The following PARD3 variants were observed in gnomAD, a reference collection of about 807,000 sequenced individuals.
PARD3 encodes the protein par-3 family cell polarity regulator.
A neutral mutation model predicts 155.4 loss-of-function variants in PARD3; 75 were observed. The ratio of observed to expected loss-of-function variants is 0.48; its 90% CI spans 0.40 to 0.58. The LOEUF (loss-of-function observed/expected upper bound fraction) is 0.58, where lower values mean the gene tolerates loss of function less well. Ranked by LOEUF, PARD3 falls within the 20% of genes least tolerant of loss-of-function variation. PARD3 has a pLI of 0.00. For synonymous variants in PARD3, 576 were observed against 610.5 expected, an observed-to-expected ratio of 0.94 and a Z score of 0.83; for missense variants, 1,642 against 1,721.7, an observed-to-expected ratio of 0.95 and a Z score of 0.82.
intron 2 of PARD3, among the ~76,000 whole-genome samples, chr10:34,551,376 A>G (rs961386981): frequency 1.3e-5 from 2 of 152,216 alleles, no homozygotes; most frequent in African/African-American, 4.8e-5. Context: ...TTAAAGTCAT[A>G]TACAACATAC....
At chr10:34,801,153 G>A (rs1842809450) in intron 1 of PARD3, among the ~76,000 whole-genome samples, 1 of 152,214 alleles carries the variant, frequency 6.6e-6, no homozygotes, top group African/African-American at 2.4e-5. Context: ...GCAAGAGACA[G>A]ACGCACAAAA....
intron 2 of PARD3, among the ~76,000 whole-genome samples, chr10:34,555,337 T>C (rs2084901979): frequency 6.6e-6 from 1 of 152,232 alleles, no homozygotes; most frequent in Non-Finnish European, 1.5e-5. Context: ...ACACATGAAC[T>C]ACGATCCCAT....
chr10:34,659,405 A>C (rs2093265466), intron 2 of PARD3, among the ~76,000 whole-genome samples: 2 of 152,196 alleles, frequency 1.3e-5, no homozygotes, highest in South Asian at 4.1e-4. Flanking sequence ...CAGCTGTAGT[A>C]ATTATTAATC....
intron 22 of PARD3, among the ~76,000 whole-genome samples, chr10:34,193,599 T>C (rs746563825): frequency 6.6e-6 from 1 of 152,260 alleles, no homozygotes; most frequent in Non-Finnish European, 1.5e-5. Flanking sequence ...AGGACATATT[T>C]GATCAATTCT....
At chr10:34,163,943 G>A (rs1778219653) in intron 22 of PARD3, among the ~76,000 whole-genome samples, 1 of 152,128 alleles carries the variant, frequency 6.6e-6, no homozygotes, top group African/African-American at 2.4e-5. Flanking sequence ...GAGGTAACAA[G>A]GAGCAAAGTA....
At chr10:34,571,549 T>C (rs1019570592) in intron 2 of PARD3, among the ~76,000 whole-genome samples, 1 of 152,108 alleles carries the variant, frequency 6.6e-6, no homozygotes, top group Non-Finnish European at 1.5e-5. Context: ...AAACATAAAG[T>C]CACAAGGCTT....
At chr10:34,409,494 G>C (rs1223180857) in intron 5 of PARD3, among the ~76,000 whole-genome samples, 1 of 152,168 alleles carries the variant, frequency 6.6e-6, no homozygotes, top group African/African-American at 2.4e-5. Flanking sequence ...AAAAATCACT[G>C]AATCTAATAA....
chr10:34,636,352 A>G (rs113192229), intron 2 of PARD3, among the ~76,000 whole-genome samples: 25 of 152,142 alleles, frequency 1.6e-4, no homozygotes, highest in African/African-American at 6.0e-4. Context: ...TGCCTCCTCC[A>G]TCCGGGCTCG....
intron 2 of PARD3, among the ~76,000 whole-genome samples, chr10:34,616,945 A>AT (rs955535288): frequency 3.3e-5 from 5 of 151,574 alleles, no homozygotes; most frequent in African/African-American, 9.7e-5. Context: ...AAAAAAAAAA[A>AT]AAAATAACTA....
intron 20 of PARD3, among the ~76,000 whole-genome samples, chr10:34,296,939 C>G (rs763733558): frequency 6.6e-6 from 1 of 152,084 alleles, no homozygotes; most frequent in African/African-American, 2.4e-5. Context: ...CTCTTAAAAA[C>G]CAACCAACCA....
At chr10:34,368,475 A>G (rs976573739) in intron 12 of PARD3, among the ~76,000 whole-genome samples, 2 of 152,028 alleles carry the variant, frequency 1.3e-5, no homozygotes, top group Admixed American at 1.3e-4. Context: ...GATTGAGACC[A>G]TCCTGGCTAA....
At chr10:34,751,507 T>A (rs1836026355) in intron 1 of PARD3, among the ~76,000 whole-genome samples, 1 of 152,150 alleles carries the variant, frequency 6.6e-6, no homozygotes, top group African/African-American at 2.4e-5. Flanking sequence ...GTCCTACACA[T>A]CCCTTCAGAG....
At chr10:34,176,553 C>A (rs570383473) in intron 22 of PARD3, among the ~76,000 whole-genome samples, 1 of 152,260 alleles carries the variant, frequency 6.6e-6, no homozygotes, top group African/African-American at 2.4e-5. Flanking sequence ...AATAATGGCC[C>A]CAGTGGTGTT....
chr10:34,634,377 T>C (rs550393881), intron 2 of PARD3, among the ~76,000 whole-genome samples: 1 of 152,220 alleles, frequency 6.6e-6, no homozygotes, highest in South Asian at 2.1e-4. Flanking sequence ...TGCAGAAAAT[T>C]TCTGGAAGGA....
At chr10:34,184,686 C>A (rs1950407148) in intron 22 of PARD3, among the ~76,000 whole-genome samples, 1 of 140,824 alleles carries the variant, frequency 7.1e-6, no homozygotes, top group African/African-American at 2.5e-5. Flanking sequence ...ATCCTGTGTT[C>A]CAGGCCTTTC....
In PARD3 at chr10:34,347,948, A is replaced by C; in HGVS notation, c.2218+17T>G. 2 of 1,602,208 alleles carry C rather than the reference A, an allele frequency of 1.2e-6. No individual in the cohort carries two copies. On this transcript the variant is annotated intron_variant, in intron 15 of 24. Transcript: ENST00000374788. The stretch of plus-strand genomic sequence containing the variant: ...CATCAAAATAAGATGTGATAAACAG[A>C]GTTTTACCTGACTCACCCATTATCC...
chr10:34,274,980 AAAT>A (rs1212864617), intron 21 of PARD3, among the ~76,000 whole-genome samples: 2 of 152,162 alleles, frequency 1.3e-5, no homozygotes, highest in African/African-American at 2.4e-5. Context: ...ATGACGCAGA[AAAT>A]AATATTAATT....
intron 4 of PARD3, among the ~76,000 whole-genome samples, chr10:34,460,803 G>A (rs566819768): frequency 2.4e-4 from 37 of 151,806 alleles, no homozygotes; most frequent in African/African-American, 8.2e-4. Context: ...ACTGCACTCC[G>A]GCCTGGGCGA....
chr10:34,382,849 C>CT lies in PARD3; in HGVS notation c.1089dup (p.Glu364ArgfsTer4). ...CTTTGGGATAGTTGTTCATACTGCT[C>CT]TTTATTTGCTGCAGGAACCACATGG... On this transcript the variant is annotated frameshift_variant, in exon 9 of 25. Transcript: ENST00000374788. LOFTEE classifies it high-confidence loss of function. The CT allele has an allele frequency of 6.2e-7, 1 of 1,614,138 alleles. No homozygotes were observed. Among genetic ancestry groups the CT allele is most frequent in the African/African-American group, 1.3e-5 (1 of 75,036 alleles).
Sources: gnomAD v4.1 joint callset for allele counts (sites outside exome capture counted in the v4.1 genomes callset) on GRCh38, gnomAD v4.1.1 for gene constraint, MANE v1.5 for transcripts, NCBI Gene and HGNC (gene_info 2026-07-23, HGNC 2026-07-21) for gene names.